The following RFTN1 variants were observed in gnomAD, a reference collection of about 807,000 sequenced individuals.
The protein encoded by RFTN1 is raftlin.
RFTN1 carries 26 observed loss-of-function variants against 46.5 expected under a neutral mutation model. The ratio of observed to expected loss-of-function variants is 0.56; its 90% CI spans 0.41 to 0.78. The LOEUF is 0.78. Ranked by LOEUF, RFTN1 falls within the 30% of genes least tolerant of loss-of-function variation. The pLI is 0.00. For missense variants in RFTN1, 693 were observed against 718.7 expected (o/e 0.96, Z 0.41); for synonymous variants, 261 against 284.2 (o/e 0.92, Z 0.82).
chr3:16,370,248 C>CG lies in RFTN1; in HGVS notation c.857dup (p.Lys287GlufsTer58). ...ATTGCCGGCACTTCTGATGGCTCTTCGGTTTGTTGAAAAGGGTGAAGATCT... is the reference window on the plus strand; with the variant it reads ...ATTGCCGGCACTTCTGATGGCTCTTCGGGTTTGTTGAAAAGGGTGAAGATCT... On this transcript the variant is annotated frameshift_variant, in exon 6 of 10. Coordinates refer to ENST00000334133, the MANE Select transcript of RFTN1 (RefSeq NM_015150.2). LOFTEE classifies it high-confidence loss of function. This position sits in a 1 kb window ranked among gnomAD's most constrained non-coding sequence, Gnocchi z 5.5. 1.2e-6 allele frequency: 2 copies of CG among 1,614,036 alleles called. No individual in the cohort carries two copies. The highest frequency in any genetic ancestry group is 1.7e-6 in the Non-Finnish European group (2 of 1,180,018).
intron 3 of RFTN1, among the ~76,000 whole-genome samples, chr3:16,412,277 A>T (rs2074993221): frequency 6.6e-6 from 1 of 152,208 alleles, no homozygotes; most frequent in South Asian, 2.1e-4. Flanking sequence ...AAGGATTATT[A>T]CACTGAAGAA....
At chr3:16,415,430 T>TATATATATACACACACAC in intron 3 of RFTN1, among the ~76,000 whole-genome samples, 3 of 114,324 alleles carry the variant, frequency 2.6e-5, no homozygotes, top group South Asian at 2.9e-4. Flanking sequence ...TATATATATA[T>TATATATATACACACACAC]ACACACACAC....
rs1271012701 is a variant in RFTN1 at position 16,344,992 on chromosome 3, A to G, written c.1146+12940T>C. On this transcript the variant is annotated intron_variant, in intron 7 of 9. Transcript: ENST00000334133. The surrounding 1 kb of genome is among the most constrained non-coding windows in gnomAD (Gnocchi z 4.4). Reference sequence around the variant, plus strand: ...ATTTTAAGCTCTTTTAGGGGGCCACATGGAAAGCATAAGAAATGGGGGCAG... The same window carrying G: ...ATTTTAAGCTCTTTTAGGGGGCCACGTGGAAAGCATAAGAAATGGGGGCAG... 6.6e-6 allele frequency: 1 copy of G among 152,198 alleles called. No homozygotes were observed. The highest frequency in any genetic ancestry group is 1.5e-5 in the Non-Finnish European group (1 of 68,034). 9.4% of individuals were successfully genotyped at this position (152,198 alleles called of 1,614,324 possible). A position where few individuals can be genotyped will look rare whatever the true frequency, so the allele number is the denominator to read the frequency against.
chr3:16,502,195 T>C lies in RFTN1; in HGVS notation c.-8-8318A>G, dbSNP rs1575381779. 1.3e-5 allele frequency among the ~76,000 whole-genome samples: 2 copies of C among 151,988 alleles called. 1 individual carries two copies. The highest frequency in any genetic ancestry group is 4.1e-4 in the South Asian group (2 of 4,824). On this transcript the variant is annotated intron_variant, in intron 1 of 9. Transcript: ENST00000334133. Reference sequence around the variant, plus strand: ...TAGCCTGGGCAACATGGCAAGACTCTGTCTCTACAAAAAAATTTAAAAAAG... The same window carrying C: ...TAGCCTGGGCAACATGGCAAGACTCCGTCTCTACAAAAAAATTTAAAAAAG...
chr3:16,323,332 A>G, intron 9 of RFTN1, 44 bp downstream of exon 9: 1 of 1,391,406 alleles, frequency 7.2e-7, no homozygotes, highest in Non-Finnish European at 1.0e-6. Context: ...CTGAAGATGA[A>G]GCCCTGCTGA....
At position 16,400,995 on chromosome 3, in the gene RFTN1, C is replaced by G. The variant is rs1383156635; in HGVS notation, c.441+8380G>C. 6.6e-6 allele frequency among the ~76,000 whole-genome samples: 1 copy of G among 152,080 alleles called. No individual in the cohort carries two copies. Among genetic ancestry groups the G allele is most frequent in the Non-Finnish European group, 1.5e-5 (1 of 68,016 alleles). ...CTCCATCTTTTATCACCTCTTCTCTCCCAATACCTTTCAGCTGAAAAAAAT... is the reference window on the plus strand; with the variant it reads ...CTCCATCTTTTATCACCTCTTCTCTGCCAATACCTTTCAGCTGAAAAAAAT... On this transcript the variant is annotated intron_variant, in intron 4 of 9. Coordinates refer to ENST00000334133, the MANE Select transcript of RFTN1 (RefSeq NM_015150.2). The surrounding 1 kb of genome is among the most constrained non-coding windows in gnomAD (Gnocchi z 4.5).
At chr3:16,366,494 T>C (rs113650048) in intron 6 of RFTN1, among the ~76,000 whole-genome samples, 300 of 108,436 alleles carry the variant, frequency 2.8e-3, no homozygotes, top group South Asian at 0.014. Flanking sequence ...TAGAGTGACC[T>C]TGGAGTCCTC....
chr3:16,367,945 A>C (rs559808175), intron 6 of RFTN1, among the ~76,000 whole-genome samples: 101 of 152,278 alleles, frequency 6.6e-4, no homozygotes, highest in African/African-American at 2.4e-3. Flanking sequence ...AGAAATTCCA[A>C]GTGGCCACCT....
Position 16,387,552 on chromosome 3 carries a change from C to G in RFTN1, c.442-9450G>C, listed in dbSNP as rs926601609. On this transcript the variant is annotated intron_variant, in intron 4 of 9. Transcript: ENST00000334133. This position sits in a 1 kb window ranked among gnomAD's most constrained non-coding sequence, Gnocchi z 5.2. ...CCCAGCTCTACTTAGGACCACTTCT[C>G]TCTTCTATATCCTCAATTTCTCTCT... 4.1e-5 allele frequency among the ~76,000 whole-genome samples: 6 copies of G among 145,684 alleles called. No homozygotes were observed. Among genetic ancestry groups the G allele is most frequent in the African/African-American group, 1.5e-4 (6 of 38,902 alleles).
intron 7 of RFTN1, among the ~76,000 whole-genome samples, chr3:16,330,530 C>T (rs2070207097): frequency 1.3e-5 from 2 of 152,196 alleles, no homozygotes; most frequent in Admixed American, 1.3e-4. Flanking sequence ...ACTCAAAAGC[C>T]AGCCTGCTTA....
rs1239744966 is a variant in RFTN1 at position 16,387,106 on chromosome 3, C to T, written c.442-9004G>A. Among the ~76,000 whole-genome samples the T allele has an allele frequency of 6.6e-6, 1 of 152,208 alleles. No individual in the cohort carries two copies. Among genetic ancestry groups the T allele is most frequent in the Non-Finnish European group, 1.5e-5 (1 of 68,032 alleles). ...ACACAGATGAGTGTTCCTTCTCTTC[C>T]TTCCCTGTCCATCACATGACCCACT... On this transcript the variant is annotated intron_variant, in intron 4 of 9. Coordinates refer to ENST00000334133, the MANE Select transcript of RFTN1 (RefSeq NM_015150.2). This position sits in a 1 kb window ranked among gnomAD's most constrained non-coding sequence, Gnocchi z 5.2.
intron 3 of RFTN1, among the ~76,000 whole-genome samples, chr3:16,432,361 T>TA (rs989391385): frequency 1.3e-5 from 2 of 151,624 alleles, no homozygotes; most frequent in Admixed American, 6.6e-5. Flanking sequence ...CTACCCAAAA[T>TA]AAAAAAATTA....
intron 4 of RFTN1, among the ~76,000 whole-genome samples, chr3:16,396,773 A>T (rs2074478240): frequency 6.6e-6 from 1 of 152,194 alleles, no homozygotes; most frequent in African/African-American, 2.4e-5. Flanking sequence ...TACTCATTTT[A>T]AAAAGAGGAC....
At chr3:16,396,353 A>C (rs2074469540) in intron 4 of RFTN1, among the ~76,000 whole-genome samples, 1 of 152,190 alleles carries the variant, frequency 6.6e-6, no homozygotes, top group African/African-American at 2.4e-5. Context: ...CAGCAGCGTG[A>C]TCCTAGCTCA....
chr3:16,414,762 G>T (rs531644733), intron 3 of RFTN1, among the ~76,000 whole-genome samples: 2 of 152,246 alleles, frequency 1.3e-5, no homozygotes, highest in East Asian at 3.9e-4. Context: ...AGGAGGTAAG[G>T]GACCGGGCTC....
chr3:16,445,483 T>TCTCTCTCTCA (rs1352210263), intron 2 of RFTN1, among the ~76,000 whole-genome samples: 1 of 126,778 alleles, frequency 7.9e-6, no homozygotes, highest in Non-Finnish European at 1.6e-5. Context: ...TCTCTCTCTC[T>TCTCTCTCTCA]CACACACACA....
chr3:16,430,248 C>G (rs548911753), intron 3 of RFTN1, among the ~76,000 whole-genome samples: 69 of 152,174 alleles, frequency 4.5e-4, no homozygotes, highest in African/African-American at 1.6e-3. Flanking sequence ...GTAGCTGGGA[C>G]TACAGGCGTG....
At chr3:16,434,764 A>G (rs1423344560) in intron 2 of RFTN1, 2 of 152,188 alleles carry the variant, frequency 1.3e-5, no homozygotes, top group African/African-American at 2.4e-5. Flanking sequence ...AAGTCAAAAG[A>G]CAAACTGGAA....
chr3:16,368,611 C>G (rs2073346509), intron 6 of RFTN1, among the ~76,000 whole-genome samples: 1 of 148,576 alleles, frequency 6.7e-6, no homozygotes, highest in African/African-American at 2.5e-5. Context: ...GTGGAGCTTG[C>G]AGTGAGCCGA....
Sources: gnomAD v4.1 joint callset for allele counts (sites outside exome capture counted in the v4.1 genomes callset) on GRCh38, gnomAD v4.1.1 for gene constraint, Gnocchi (gnomAD v3.1) non-coding constraint, MANE v1.5 for transcripts, NCBI Gene and HGNC (gene_info 2026-07-23, HGNC 2026-07-21) for gene names.